The following FANCA variants were observed in gnomAD, a reference collection of about 807,000 sequenced individuals.
FANCA encodes the protein FA complementation group A.
FANCA carries 236 observed loss-of-function variants against 194.3 expected under a neutral mutation model. The observed-to-expected ratio is 1.21, with a 90% confidence interval of 1.09 to 1.35. FANCA has a LOEUF of 1.35. Ranked by LOEUF, FANCA falls within the 40% of genes most tolerant of loss-of-function variation. The pLI is 0.00. For missense variants in FANCA, 2,628 were observed against 1,813.9 expected (o/e 1.45, Z -8.15); for synonymous variants, 1,014 against 715.8 (o/e 1.42, Z -6.65).
At chr16:89,743,089 G>T in intron 36 of FANCA, 151 bp from the exon 37 acceptor site, 2 of 869,618 alleles carry the variant, frequency 2.3e-6, no homozygotes, top group Non-Finnish European at 3.4e-6. Flanking sequence ...AACTAGGTCT[G>T]CATCCCCCAG....
intron 29 of FANCA, among the ~76,000 whole-genome samples, chr16:89,760,238 G>A (rs1030103518): frequency 2.0e-5 from 3 of 152,246 alleles, no homozygotes; most frequent in Admixed American, 6.5e-5. Context: ...AGAAACGGGG[G>A]TGAGTGAAGG....
chr16:89,792,351 C>T lies in FANCA; in HGVS notation c.1083+120G>A, dbSNP rs17226159. 0.16 allele frequency: 174,981 copies of T among 1,122,042 alleles called. 15,330 individuals carry two copies. The highest frequency in any genetic ancestry group is 0.27 in the Middle Eastern group (942 of 3,554). The allele number at this position is 1,122,042 out of a possible 1,614,324, so 69.5% of individuals were successfully genotyped here. A position where few individuals can be genotyped will look rare whatever the true frequency, so the allele number is the denominator to read the frequency against. The stretch of plus-strand genomic sequence containing the variant: ...GGCCTTGATGAGGACAGCCACATCT[C>T]ACCAGACATCCCTGAACCTCTCGAT... On this transcript the variant is annotated intron_variant, in intron 12 of 42. Transcript: ENST00000389301.
chr16:89,780,021 G>A, intron 17 of FANCA, 64 bp from the exon 18 acceptor site: 2 of 1,404,940 alleles, frequency 1.4e-6, no homozygotes, highest in African/African-American at 1.4e-5. Context: ...ACTGAGCAGT[G>A]AAGGCCACAC....
chr16:89,789,659 G>A (rs531919875), intron 14 of FANCA, among the ~76,000 whole-genome samples: 363 of 151,926 alleles, frequency 2.4e-3, no homozygotes, highest in Non-Finnish European at 4.6e-3. Flanking sequence ...GGCTGATCTT[G>A]AACCCCTGGG....
intron 2 of FANCA, among the ~76,000 whole-genome samples, chr16:89,815,519 C>T (rs17225719): frequency 0.011 from 1,626 of 151,856 alleles, 15 homozygotes; most frequent in South Asian, 0.047. Context: ...CCACACCCAG[C>T]TAATTTTTGT....
intron 20 of FANCA, chr16:89,778,385 C>A: frequency 2.7e-6 from 1 of 375,866 alleles, no homozygotes; most frequent in Non-Finnish European, 5.1e-6. Context: ...ACAATTGCTC[C>A]AACCCAGGAG....
At chr16:89,749,356 G>GT (rs2143133969) in intron 32 of FANCA, among the ~76,000 whole-genome samples, 1 of 152,236 alleles carries the variant, frequency 6.6e-6, no homozygotes, top group African/African-American at 2.4e-5. Context: ...GGGATTACAG[G>GT]TGCCCGCCAC....
At chr16:89,761,866 T>C (rs2038964196) in intron 29 of FANCA, 83 bp downstream of exon 29, 2 of 1,080,152 alleles carry the variant, frequency 1.9e-6, no homozygotes, top group African/African-American at 1.5e-5. Context: ...ATTCAAGAGA[T>C]CTCCTGCCTC....
chr16:89,776,935 G>C (rs1023881168), intron 20 of FANCA, among the ~76,000 whole-genome samples: 2 of 152,160 alleles, frequency 1.3e-5, no homozygotes, highest in Non-Finnish European at 2.9e-5. Context: ...GGGTAAGCCA[G>C]GTACAGTGGC....
At chr16:89,813,067 G>C (rs1183598549) in intron 3 of FANCA, among the ~76,000 whole-genome samples, 1 of 150,866 alleles carries the variant, frequency 6.6e-6, no homozygotes, top group Non-Finnish European at 1.5e-5. Flanking sequence ...AATAGTTCTA[G>C]AAGCTTAAAA....
rs776873229 is a variant in FANCA, at chr16:89,810,794, C to A, written c.435G>T (p.Leu145=). Reference sequence around the variant, plus strand: ...ACTGAGCAAACTCTAACAGGGAAGACAGCTTCTTCTGAAAAGAGAGATTAC... The same window carrying A: ...ACTGAGCAAACTCTAACAGGGAAGAAAGCTTCTTCTGAAAAGAGAGATTAC... ...VLLTVEQRKK[L]SSLLEFAQYL... Residue 145 remains leucine, a synonymous_variant, in exon 5 of 43, where the codon CTG becomes CTT. Coordinates refer to ENST00000389301, the MANE Select transcript of FANCA (RefSeq NM_000135.4). 2 of 1,612,998 alleles carry A rather than the reference C, an allele frequency of 1.2e-6. No homozygotes were observed. The highest frequency in any genetic ancestry group is 1.7e-6 in the Non-Finnish European group (2 of 1,178,900).
At position 89,758,625 on chromosome 16, in the gene FANCA, T is replaced by C. The variant is rs2038841634; in HGVS notation, c.2933A>G (p.Gln978Arg). 5.0e-6 allele frequency: 8 copies of C among 1,613,950 alleles called. No homozygotes were observed. The highest frequency in any genetic ancestry group is 6.8e-6 in the Non-Finnish European group (8 of 1,179,950). The change falls in exon 30 of 43, where the codon CAG (glutamine) becomes CGG (arginine). Residue 978 changes from glutamine to arginine, a missense_variant. Transcript: ENST00000389301. Reference protein sequence around the residue: ...SASGGCDGDLQAACTILVNAL... With the variant: ...SASGGCDGDLRAACTILVNAL... ...GTTGACAAGAATGGTACACGCAGCC[T>C]GCAGGTCTCCGTCACAGCCCCCTGA...
chr16:89,750,490 AAC>A (rs1185126518), intron 31 of FANCA, among the ~76,000 whole-genome samples: 8 of 101,410 alleles, frequency 7.9e-5, no homozygotes, highest in African/African-American at 2.5e-4. Context: ...CTCAAAAAAA[AAC>A]AAACAAAAAA....
rs201492940 is a variant in FANCA at position 89,745,035 on chromosome 16, G to A, written c.3550C>T (p.Arg1184Trp). The change falls in exon 36 of 43, where the codon CGG becomes TGG. Residue 1184 changes from arginine to tryptophan, a missense_variant. Coordinates refer to ENST00000389301, the MANE Select transcript of FANCA (RefSeq NM_000135.4). ...WPSLEPVLLC[R>W]WRRHCQSPLP... ...GGGCTCTGGCAGTGTCTCCTCCACC[G>A]GCAGAGCAGCACAGGCTCCAGGCTC... 4.2e-5 allele frequency: 68 copies of A among 1,609,784 alleles called. No individual in the cohort carries two copies. Among genetic ancestry groups the A allele is most frequent in the East Asian group, 3.8e-4 (17 of 44,850 alleles).
In FANCA at chr16:89,749,906, A is replaced by G. The variant is rs17227064; in HGVS notation, c.3067-4T>C. On this transcript the variant is annotated splice_polypyrimidine_tract_variant and splice_region_variant and intron_variant, in intron 31 of 42. Transcript: ENST00000389301. Reference sequence around the variant, plus strand: ...GCTCCAGGTCAGCTACCATCTCCTGAAAAAGAGCAGTATGCTGGCACAGGA... The same window carrying G: ...GCTCCAGGTCAGCTACCATCTCCTGGAAAAGAGCAGTATGCTGGCACAGGA... The G allele has an allele frequency of 0.077, 124,454 of 1,613,692 alleles. 5,748 individuals carry two copies. The highest frequency in any genetic ancestry group is 0.16 in the East Asian group (7,373 of 44,870).
chr16:89,740,703 C>A lies in FANCA; in HGVS notation c.3828+101G>T, dbSNP rs2062110801. The A allele has an allele frequency of 3.2e-6, 3 of 933,178 alleles. No individual in the cohort carries two copies. In the Admixed American group the frequency reaches 5.8e-5, roughly 18 times the overall value. The allele number at this position is 933,178 out of a possible 1,614,324, so 57.8% of individuals were successfully genotyped here. ...CACACTTCCGCAAACACAAGGAGCT[C>A]CTGAGCTAGTCTGGAAACCCTGACT... On this transcript the variant is annotated intron_variant, in intron 38 of 42. Transcript: ENST00000389301.
rs745639466 is a variant in FANCA, at chr16:89,742,784, G to C, written c.3765+16C>G. 7 of 1,599,740 alleles carry C rather than the reference G, an allele frequency of 4.4e-6. No individual in the cohort carries two copies. Among genetic ancestry groups the C allele is most frequent in the Middle Eastern group, 1.7e-4 (1 of 5,964 alleles). On this transcript the variant is annotated intron_variant, in intron 37 of 42. Coordinates refer to ENST00000389301, the MANE Select transcript of FANCA (RefSeq NM_000135.4). Reference sequence around the variant, plus strand: ...CTTGCGAGAAAATAAATCAGTAAAAGAATTTCCTATCTTGCCTCCTCTCTC... The same window carrying C: ...CTTGCGAGAAAATAAATCAGTAAAACAATTTCCTATCTTGCCTCCTCTCTC...
At chr16:89,795,462 C>T (rs1464041427) in intron 11 of FANCA, among the ~76,000 whole-genome samples, 1 of 151,980 alleles carries the variant, frequency 6.6e-6, no homozygotes, top group Admixed American at 6.6e-5. Flanking sequence ...CATGGTGAAA[C>T]CCAGTCTCTA....
chr16:89,770,596 C>A lies in FANCA; in HGVS notation c.2190G>T (p.Leu730=). The A allele has an allele frequency of 1.2e-6, 2 of 1,611,788 alleles. No homozygotes were observed. The highest frequency in any genetic ancestry group is 1.7e-6 in the Non-Finnish European group (2 of 1,179,056). Residue 730 remains leucine, a synonymous_variant, in exon 24 of 43, where the codon CTG becomes CTT. Coordinates refer to ENST00000389301, the MANE Select transcript of FANCA (RefSeq NM_000135.4). ...GGGGAGCGACACTGGAGGCAGCCAT[C>A]AGGTTCTGACAGAAAGACGTCAGCA... ...DLLLTSFCQN[L]MAASSVAPPE...
Sources: gnomAD v4.1 joint callset for allele counts (sites outside exome capture counted in the v4.1 genomes callset) on GRCh38, gnomAD v4.1.1 for gene constraint, MANE v1.5 for transcripts, NCBI Gene and HGNC (gene_info 2026-07-23, HGNC 2026-07-21) for gene names.